The following CTNNA2 variants were observed in gnomAD, a reference collection of about 807,000 sequenced individuals.
The protein encoded by CTNNA2 is catenin alpha 2, also known as catenin alpha-2.
CTNNA2 carries 42 observed loss-of-function variants against 101.0 expected under a neutral mutation model. The ratio of observed to expected loss-of-function variants is 0.42; its 90% CI spans 0.32 to 0.54. CTNNA2 has a LOEUF of 0.54. Ranked by LOEUF, CTNNA2 falls within the 20% of genes least tolerant of loss-of-function variation. The pLI, the probability that CTNNA2 is intolerant of heterozygous loss-of-function variation, is 0.14. For missense variants in CTNNA2, 871 were observed against 1,223.1 expected (o/e 0.71, Z 4.29); for synonymous variants, 450 against 456.4 (o/e 0.99, Z 0.18).
intron 2 of CTNNA2, among the ~76,000 whole-genome samples, chr2:79,701,261 C>T (rs1684983412): frequency 2.6e-5 from 4 of 152,120 alleles, no homozygotes; most frequent in Admixed American, 2.6e-4. Flanking sequence ...CCCAGAATCA[C>T]ATAACTAGTG....
chr2:80,452,509 A>G (rs1041646360), intron 9 of CTNNA2, among the ~76,000 whole-genome samples: 2 of 151,538 alleles, frequency 1.3e-5, no homozygotes, highest in Admixed American at 1.3e-4. Flanking sequence ...GCTGATTGCC[A>G]AAATGGGAGA....
At chr2:80,442,562 A>G (rs150875473) in intron 9 of CTNNA2, among the ~76,000 whole-genome samples, 59 of 152,208 alleles carry the variant, frequency 3.9e-4, no homozygotes, top group African/African-American at 1.4e-3. Flanking sequence ...AGGAGCTACC[A>G]TGCCTTCCCA....
chr2:79,993,644 A>G (rs909592843), intron 7 of CTNNA2, among the ~76,000 whole-genome samples: 1 of 152,150 alleles, frequency 6.6e-6, no homozygotes, highest in Non-Finnish European at 1.5e-5. Context: ...CAGATCAGGT[A>G]GTGTGGAGTG....
intron 9 of CTNNA2, among the ~76,000 whole-genome samples, chr2:80,511,348 A>G (rs754166201): frequency 7.2e-5 from 11 of 152,216 alleles, no homozygotes; most frequent in Non-Finnish European, 1.3e-4. Context: ...ATCCAAAACA[A>G]CTGTGAGGCT....
At chr2:79,605,768 T>A (rs1299307739) in intron 1 of CTNNA2, among the ~76,000 whole-genome samples, 1 of 151,760 alleles carries the variant, frequency 6.6e-6, no homozygotes. Context: ...ATAATAATAA[T>A]AAACTAGCTG....
rs140432724 is a variant in CTNNA2, at chr2:79,715,205, C to CAAAAAA, written c.103-29163_103-29158dup. 5.3e-3 allele frequency among the ~76,000 whole-genome samples: 349 copies of CAAAAAA among 66,254 alleles called. 6 individuals carry two copies. Among genetic ancestry groups the CAAAAAA allele is most frequent in the African/African-American group, 0.012 (175 of 15,022 alleles). The allele number at this position is 66,254 out of a possible 152,430, so 43.5% of individuals were successfully genotyped here. A position where few individuals can be genotyped will look rare whatever the true frequency, so the allele number is the denominator to read the frequency against. On this transcript the variant is annotated intron_variant, in intron 2 of 18. Transcript: ENST00000402739. The stretch of plus-strand genomic sequence containing the variant: ...CTGGGCAACAAGAGCAAAATTCCGT[C>CAAAAAA]AAAAAAAAAAAAAAAAAAAAAAAAC...
At chr2:80,307,441 C>T (rs1385522036) in intron 7 of CTNNA2, among the ~76,000 whole-genome samples, 1 of 151,946 alleles carries the variant, frequency 6.6e-6, no homozygotes, top group African/African-American at 2.4e-5. Flanking sequence ...GTTTTAATTT[C>T]ATGCCTGTAA....
intron 8 of CTNNA2, among the ~76,000 whole-genome samples, chr2:80,398,048 G>A (rs1006903354): frequency 1.3e-5 from 2 of 152,144 alleles, no homozygotes; most frequent in Non-Finnish European, 2.9e-5. Flanking sequence ...TATAGTAAAT[G>A]TCAAAAACAT....
intron 7 of CTNNA2, among the ~76,000 whole-genome samples, chr2:80,281,469 C>T (rs1445107896): frequency 1.3e-5 from 2 of 152,048 alleles, no homozygotes; most frequent in East Asian, 1.9e-4. Flanking sequence ...TTCTAAAGAG[C>T]GTACATTAGT....
intron 2 of CTNNA2, among the ~76,000 whole-genome samples, chr2:79,735,203 T>C (rs1276817133): frequency 1.3e-5 from 2 of 152,174 alleles, no homozygotes; most frequent in Non-Finnish European, 2.9e-5. Flanking sequence ...TTATCTGTGC[T>C]GCTATTTAAA....
intron 9 of CTNNA2, among the ~76,000 whole-genome samples, chr2:80,471,501 T>G (rs967709090): frequency 2.0e-5 from 3 of 152,130 alleles, no homozygotes; most frequent in African/African-American, 7.2e-5. Context: ...TAAAAATATC[T>G]GGAGAGATTC....
intron 3 of CTNNA2, among the ~76,000 whole-genome samples, chr2:79,772,725 C>T (rs367963369): frequency 3.7e-4 from 57 of 152,126 alleles, no homozygotes; most frequent in African/African-American, 1.3e-3. Flanking sequence ...GCCACCTTAC[C>T]TGGCTATTTA....
chr2:80,640,101 AAAAAAAAC>A (rs953648823), intron 18 of CTNNA2, among the ~76,000 whole-genome samples: 18 of 152,112 alleles, frequency 1.2e-4, no homozygotes, highest in East Asian at 3.9e-4. Context: ...TAACATCTCA[AAAAAAAAC>A]AAAAAAACAA....
At chr2:80,305,047 C>T in intron 7 of CTNNA2, 1 of 984,196 alleles carries the variant, frequency 1.0e-6, no homozygotes, top group South Asian at 4.7e-5. Context: ...ATTCTTTTCC[C>T]CTTTAAAACT....
intron 14 of CTNNA2, among the ~76,000 whole-genome samples, chr2:80,582,236 T>C (rs1192033170): frequency 1.3e-5 from 2 of 152,148 alleles, no homozygotes; most frequent in Non-Finnish European, 2.9e-5. Context: ...ATCAGGGCAC[T>C]ACTTTGTTTA....
At chr2:79,435,081 A>G (rs1200980345) in intron 4 of CTNNA2, among the ~76,000 whole-genome samples, 1 of 152,090 alleles carries the variant, frequency 6.6e-6, no homozygotes, top group Non-Finnish European at 1.5e-5. Context: ...GATCACTGAG[A>G]CAGGACATGA....
At chr2:79,745,126 A>G (rs756489552) in intron 3 of CTNNA2, among the ~76,000 whole-genome samples, 31 of 152,186 alleles carry the variant, frequency 2.0e-4, no homozygotes, top group Non-Finnish European at 4.0e-4. Flanking sequence ...TGTATAAAAT[A>G]TACAACATAA....
intron 7 of CTNNA2, among the ~76,000 whole-genome samples, chr2:80,243,715 T>C (rs900724197): frequency 3.3e-5 from 5 of 152,166 alleles, no homozygotes; most frequent in African/African-American, 1.2e-4. Context: ...ACAAATAAAG[T>C]TGCTAGGGGC....
At chr2:80,516,662 A>G (rs1689136272) in intron 9 of CTNNA2, among the ~76,000 whole-genome samples, 1 of 152,224 alleles carries the variant, frequency 6.6e-6, no homozygotes, top group South Asian at 2.1e-4. Context: ...ATGCAGAGTT[A>G]GTTTATACCC....
Sources: allele counts gnomAD v4.1 joint callset (sites outside exome capture counted in the v4.1 genomes callset), GRCh38; gene constraint gnomAD v4.1.1; transcripts MANE v1.5; gene names NCBI Gene and HGNC (gene_info 2026-07-23, HGNC 2026-07-21).